Variants in ACP3 observed in about 807,000 individuals in gnomAD.
The protein encoded by ACP3 is prostatic acid phosphatase.
ACP3 carries 38 observed loss-of-function variants against 45.6 expected under a neutral mutation model. The observed-to-expected ratio is 0.83, with a 90% CI of 0.64 to 1.09. The LOEUF (loss-of-function observed/expected upper bound fraction) is 1.09, where lower values mean the gene tolerates loss of function less well. Among genes scored for constraint, ACP3 ranks in the 50% least tolerant of loss-of-function variants. The pLI is 0.00. For missense variants in ACP3, 466 were observed against 463.2 expected (o/e 1.01, Z -0.05); for synonymous variants, 162 against 164.7 (o/e 0.98, Z 0.13).
intron 1 of ACP3, among the ~76,000 whole-genome samples, chr3:132,324,246 T>G (rs1215680462): frequency 6.6e-6 from 1 of 151,950 alleles, no homozygotes; most frequent in African/African-American, 2.4e-5. Context: ...AACTCCACTT[T>G]TGTATATCTT....
rs571355793 is a variant in ACP3, at chr3:132,347,235, G to A, written c.781+2176G>A. On this transcript the variant is annotated intron_variant, in intron 7 of 9. Coordinates refer to ENST00000336375, the MANE Select transcript of ACP3 (RefSeq NM_001099.5). ...AAAAGTCCAGCGCCATTGTTAAGCA[G>A]GAAAATTTCTCCTGTGTGGTTCTGC... is the stretch of plus-strand genomic sequence containing the variant. Among the ~76,000 whole-genome samples, 16 of 152,282 alleles carry A rather than the reference G, an allele frequency of 1.1e-4. 1 individual carries two copies. The South Asian group carries it at 2.9e-3, about 28-fold the overall frequency.
chr3:132,336,144 C>T (rs934948636), intron 4 of ACP3, among the ~76,000 whole-genome samples: 1 of 152,082 alleles, frequency 6.6e-6, no homozygotes, highest in Non-Finnish European at 1.5e-5. Flanking sequence ...CCTGTAGTCC[C>T]AGCTACTCAG....
chr3:132,347,590 C>T (rs966694424), intron 7 of ACP3, among the ~76,000 whole-genome samples: 2 of 152,036 alleles, frequency 1.3e-5, no homozygotes, highest in African/African-American at 4.8e-5. Flanking sequence ...AGCGATCCTC[C>T]CACCTCAGAC....
At chr3:132,356,068 G>C (rs1386051945) in intron 9 of ACP3, among the ~76,000 whole-genome samples, 1 of 152,034 alleles carries the variant, frequency 6.6e-6, no homozygotes, top group Non-Finnish European at 1.5e-5. Context: ...TTGTTTTTTT[G>C]AGATAAAGCA....
rs1031955833 is a variant in ACP3, at chr3:132,358,790, C to T, written c.*1912C>T. ...TGCTTTTATAATGAACTTAGAAAAA[C>T]GTATGTGTGTGTGTTTAATTAGAAT... On this transcript the variant is annotated 3_prime_UTR_variant, in exon 10 of 10. Transcript: ENST00000336375. The T allele has an allele frequency of 4.3e-5, 42 of 986,146 alleles. No individual in the cohort carries two copies. The highest frequency in any genetic ancestry group is 3.3e-4 in the African/African-American group (19 of 57,268). 61.1% of individuals were successfully genotyped at this position (986,146 alleles called of 1,614,324 possible). A position where few individuals can be genotyped will look rare whatever the true frequency, so the allele number is the denominator to read the frequency against.
intron 5 of ACP3, among the ~76,000 whole-genome samples, chr3:132,339,986 AT>A (rs1322004166): frequency 6.6e-6 from 1 of 152,138 alleles, no homozygotes; most frequent in African/African-American, 2.4e-5. Context: ...GACTCCAAGG[AT>A]TTTAGGAATT....
chr3:132,359,709 C>T (rs1276698798), downstream of ACP3, among the ~76,000 whole-genome samples: 1 of 152,024 alleles, frequency 6.6e-6, no homozygotes, highest in Non-Finnish European at 1.5e-5. Flanking sequence ...ACACAAATAA[C>T]AATATGCAGG....
intron 1 of ACP3, among the ~76,000 whole-genome samples, chr3:132,319,333 C>G (rs1937163289): frequency 1.3e-5 from 2 of 152,232 alleles, no homozygotes; most frequent in South Asian, 2.1e-4. Flanking sequence ...TTAAAAGATG[C>G]CCATAACTAA....
chr3:132,328,554 C>T (rs780698212), intron 2 of ACP3, among the ~76,000 whole-genome samples, 192 bp downstream of exon 2: 1 of 151,980 alleles, frequency 6.6e-6, no homozygotes, highest in Non-Finnish European at 1.5e-5. Flanking sequence ...TGGTGGGCAC[C>T]TGTAATCCCA....
chr3:132,347,977 G>T (rs1937635315), intron 7 of ACP3, among the ~76,000 whole-genome samples: 1 of 152,092 alleles, frequency 6.6e-6, no homozygotes, highest in Admixed American at 6.6e-5. Flanking sequence ...CTGCCTGTAT[G>T]CCTAATCCAG....
intron 7 of ACP3, among the ~76,000 whole-genome samples, chr3:132,347,397 G>A (rs1937621695): frequency 6.6e-6 from 1 of 152,220 alleles, no homozygotes; most frequent in Admixed American, 6.5e-5. Flanking sequence ...AAAGAGTAAT[G>A]TGGACACATC....
At chr3:132,322,195 C>T (rs1474627250) in intron 1 of ACP3, among the ~76,000 whole-genome samples, 3 of 152,188 alleles carry the variant, frequency 2.0e-5, no homozygotes, top group Non-Finnish European at 4.4e-5. Flanking sequence ...TTCTACACAA[C>T]ATAATACACA....
chr3:132,319,659 T>A (rs1937169870), intron 1 of ACP3, among the ~76,000 whole-genome samples: 1 of 152,172 alleles, frequency 6.6e-6, no homozygotes, highest in South Asian at 2.1e-4. Context: ...GATGAAGAAA[T>A]TGAGGCACAA....
rs373705971 is a variant in ACP3 at position 132,347,280 on chromosome 3, A to G, written c.781+2221A>G. ...TTCTGCCAAAACAAAAGCTCAGACT[A>G]TTATTCAGATCTGGCTGGGCAAGAG... On this transcript the variant is annotated intron_variant, in intron 7 of 9. Coordinates refer to ENST00000336375, the MANE Select transcript of ACP3 (RefSeq NM_001099.5). Among the ~76,000 whole-genome samples the G allele has an allele frequency of 3.9e-5, 6 of 152,366 alleles. No homozygotes were observed. In the South Asian group the frequency reaches 1.2e-3, roughly 32 times the overall value.
At chr3:132,350,132 T>C (rs1576424105) in intron 8 of ACP3, 130 bp downstream of exon 8, 1 of 642,796 alleles carries the variant, frequency 1.6e-6, no homozygotes, top group South Asian at 2.0e-5. Context: ...CACAAAGCTT[T>C]TAGAATTAAA....
intron 8 of ACP3, among the ~76,000 whole-genome samples, chr3:132,352,361 C>CT (rs35270483): frequency 0.025 from 3,338 of 135,580 alleles, 129 homozygotes; most frequent in African/African-American, 0.082. Flanking sequence ...CCACACCCAG[C>CT]TTTTTTTTTT....
Position 132,357,090 on chromosome 3 carries a change from T to A in ACP3, c.*212T>A, listed in dbSNP as rs1937924525. The A allele has an allele frequency of 7.7e-7, 1 of 1,297,422 alleles. No individual in the cohort carries two copies. 80.4% of individuals were successfully genotyped at this position (1,297,422 alleles called of 1,614,324 possible). On this transcript the variant is annotated 3_prime_UTR_variant, in exon 10 of 10. Transcript: ENST00000336375. ...TAAAACTTAGCTAAGTTTTGTTTTG[T>A]TTTTCAGCGTTAATGTAAAGGGGCA...
chr3:132,344,460 A>C (rs927206646), intron 6 of ACP3, among the ~76,000 whole-genome samples: 2 of 151,806 alleles, frequency 1.3e-5, no homozygotes, highest in African/African-American at 2.4e-5. Context: ...AAAAAAAAGA[A>C]AAAAAAAGTC....
chr3:132,340,448 T>C (rs999162854), intron 5 of ACP3, among the ~76,000 whole-genome samples: 1 of 152,214 alleles, frequency 6.6e-6, no homozygotes, highest in East Asian at 1.9e-4. Context: ...TGTATTCTTA[T>C]ATGGCTTCTA....
Sources: gnomAD v4.1 joint callset for allele counts (sites outside exome capture counted in the v4.1 genomes callset) on GRCh38, gnomAD v4.1.1 for gene constraint, MANE v1.5 for transcripts, NCBI Gene and HGNC (gene_info 2026-07-23, HGNC 2026-07-21) for gene names.